The following PCYT1A variants were observed in gnomAD, a reference collection of about 807,000 sequenced individuals.
PCYT1A encodes the protein phosphate cytidylyltransferase 1A, choline, also known as choline-phosphate cytidylyltransferase A.
PCYT1A carries 25 observed loss-of-function variants against 43.7 expected under a neutral mutation model. The ratio of observed to expected loss-of-function variants is 0.57; its 90% CI spans 0.42 to 0.80. The LOEUF is 0.80. Ranked by LOEUF, PCYT1A falls within the 30% of genes least tolerant of loss-of-function variation. The pLI, the probability that PCYT1A is intolerant of heterozygous loss-of-function variation, is 0.00. For missense variants in PCYT1A, 421 were observed against 474.2 expected, an observed-to-expected ratio of 0.89 and a Z score of 1.04; for synonymous variants, 172 against 170.7, an observed-to-expected ratio of 1.01 and a Z score of -0.06.
chr3:196,263,198 C>T (rs987446488), intron 2 of PCYT1A, among the ~76,000 whole-genome samples: 10 of 152,140 alleles, frequency 6.6e-5, no homozygotes, highest in Admixed American at 1.3e-4. Flanking sequence ...AGGGTCCTCC[C>T]GAGATCCCAA....
intron 7 of PCYT1A, chr3:196,240,833 C>T (rs1394487356): frequency 6.6e-6 from 1 of 151,936 alleles, no homozygotes; most frequent in Non-Finnish European, 1.5e-5. Flanking sequence ...GTTTATCTGC[C>T]TAGATAAATC....
At chr3:196,246,467 C>A (rs1334615207) in intron 5 of PCYT1A, among the ~76,000 whole-genome samples, 2 of 151,822 alleles carry the variant, frequency 1.3e-5, no homozygotes, top group Non-Finnish European at 2.9e-5. Flanking sequence ...AGCTCCTGGG[C>A]TCAAGCGATC....
At position 196,247,450 on chromosome 3, in the gene PCYT1A, C is replaced by T. The variant is rs1724605639; in HGVS notation, c.403G>A (p.Ala135Thr). Residue 135 changes from alanine to threonine, a missense_variant, in exon 5 of 9, where the codon GCA becomes ACA. Coordinates refer to ENST00000431016, the MANE Select transcript of PCYT1A (RefSeq NM_001312673.2). The surrounding 1 kb of genome is among the most constrained non-coding windows in gnomAD (Gnocchi z 4.8). ...TCCACGTAGCGGCAGTGCTGGACTGCGTCATAGCGCTCATTCTCGTTCATC... is the reference window on the plus strand; with the variant it reads ...TCCACGTAGCGGCAGTGCTGGACTGTGTCATAGCGCTCATTCTCGTTCATC... ...TVMNENERYDAVQHCRYVDEV... is the reference protein window; with the variant it reads ...TVMNENERYDTVQHCRYVDEV... The T allele has an allele frequency of 1.2e-6, 2 of 1,614,118 alleles. No individual in the cohort carries two copies. The highest frequency in any genetic ancestry group is 2.2e-5 in the East Asian group (1 of 44,890).
In PCYT1A at chr3:196,273,067, A is replaced by G. The variant is rs1406074436; in HGVS notation, c.-10-2526T>C. Among the ~76,000 whole-genome samples, 2 of 152,224 alleles carry G rather than the reference A, an allele frequency of 1.3e-5. No homozygotes were observed. The highest frequency in any genetic ancestry group is 4.8e-5 in the African/African-American group (2 of 41,464). On this transcript the variant is annotated intron_variant, in intron 1 of 8. Coordinates refer to ENST00000431016, the MANE Select transcript of PCYT1A (RefSeq NM_001312673.2). The surrounding 1 kb of genome is among the most constrained non-coding windows in gnomAD (Gnocchi z 4.1). Reference sequence around the variant, plus strand: ...GCCACTGCGCACAGCCAGGCACGCCAGCTGCCAGGGGGTGAGCAGCTCGAG... The same window carrying G: ...GCCACTGCGCACAGCCAGGCACGCCGGCTGCCAGGGGGTGAGCAGCTCGAG...
intron 2 of PCYT1A, among the ~76,000 whole-genome samples, chr3:196,260,685 T>C (rs1725083233): frequency 1.3e-5 from 2 of 151,948 alleles, no homozygotes; most frequent in Non-Finnish European, 2.9e-5. Context: ...CTACTAAAAA[T>C]ACAAAACTTA....
chr3:196,248,218 A>G lies in PCYT1A; in HGVS notation c.323T>C (p.Leu108Pro). 1.3e-6 allele frequency: 2 copies of G among 1,585,880 alleles called. No individual in the cohort carries two copies. The highest frequency in any genetic ancestry group is 1.7e-6 in the Non-Finnish European group (2 of 1,154,148). Residue 108 changes from leucine (L) to proline (P), a missense_variant, in exon 4 of 9, where the codon CTC becomes CCC. Around this residue, in one of 3 missense-constraint regions of PCYT1A, gnomAD observed 174 missense variants for 270.7 expected, o/e 0.64. Coordinates refer to ENST00000431016, the MANE Select transcript of PCYT1A (RefSeq NM_001312673.2). ...AAATGTTTTCTTACCTCCCACAATG[A>G]GGTACGTATTAGGGAAAAGGTTCTT... ...QAKNLFPNTY[L>P]IVGVCSDELT... is the part of the protein sequence containing the mutation.
intron 1 of PCYT1A, among the ~76,000 whole-genome samples, chr3:196,286,181 G>A (rs374845512): frequency 1.4e-3 from 204 of 149,506 alleles, no homozygotes; most frequent in African/African-American, 4.8e-3. Context: ...TCCCACCTCA[G>A]CCTCCCCAGT....
rs1560176114 is a variant in PCYT1A at position 196,273,299 on chromosome 3, TCTC to T, written c.-10-2761_-10-2759del. Reference sequence around the variant, plus strand: ...GCTCTTCTCTTTCTCTCTCCTCTCTTCTCTCTTTCTGTTGCCCACAGCGTGGCA... The same window carrying T: ...GCTCTTCTCTTTCTCTCTCCTCTCTTTCTTTCTGTTGCCCACAGCGTGGCA... On this transcript the variant is annotated intron_variant, in intron 1 of 8. Transcript: ENST00000431016. This position sits in a 1 kb window ranked among gnomAD's most constrained non-coding sequence, Gnocchi z 4.1. Among the ~76,000 whole-genome samples, 1 of 152,138 alleles carries T rather than the reference TCTC, an allele frequency of 6.6e-6. No homozygotes were observed. Among genetic ancestry groups the T allele is most frequent in the African/African-American group, 2.4e-5 (1 of 41,438 alleles).
chr3:196,259,749 G>A (rs773659713), intron 2 of PCYT1A, among the ~76,000 whole-genome samples: 3 of 151,392 alleles, frequency 2.0e-5, no homozygotes, highest in Non-Finnish European at 2.9e-5. Flanking sequence ...GGAAGCTGAG[G>A]TGGGAGGACT....
Position 196,247,530 on chromosome 3 carries a change from C to T in PCYT1A, c.335-12G>A. 2 of 1,613,834 alleles carry T rather than the reference C, an allele frequency of 1.2e-6. No homozygotes were observed. Among genetic ancestry groups the T allele is most frequent in the Non-Finnish European group, 1.7e-6 (2 of 1,179,714 alleles). On this transcript the variant is annotated splice_polypyrimidine_tract_variant and intron_variant, in intron 4 of 8. Transcript: ENST00000431016. The surrounding 1 kb of genome is among the most constrained non-coding windows in gnomAD (Gnocchi z 4.8). ...CTCATCACTGCAAACTGGTTCACCA[C>T]ATCATAAATTGTGTGTTGGAGTCCT...
At chr3:196,270,781 G>A (rs1188600938) in intron 1 of PCYT1A, among the ~76,000 whole-genome samples, 1 of 152,132 alleles carries the variant, frequency 6.6e-6, no homozygotes, top group Non-Finnish European at 1.5e-5. Flanking sequence ...GCCTGAAGTC[G>A]GAAGTCATTC....
chr3:196,262,468 G>T (rs901955641), intron 2 of PCYT1A, among the ~76,000 whole-genome samples: 1 of 152,176 alleles, frequency 6.6e-6, no homozygotes, highest in Admixed American at 6.5e-5. Flanking sequence ...ACAGATTTCA[G>T]CATGCTAACA....
intron 1 of PCYT1A, among the ~76,000 whole-genome samples, chr3:196,276,210 G>C (rs1414091905): frequency 6.6e-6 from 1 of 152,034 alleles, no homozygotes; most frequent in East Asian, 1.9e-4. Flanking sequence ...TATAAGGCAA[G>C]GAATTTGTTA....
At chr3:196,262,697 C>T (rs1725149674) in intron 2 of PCYT1A, among the ~76,000 whole-genome samples, 1 of 151,950 alleles carries the variant, frequency 6.6e-6, no homozygotes, top group African/African-American at 2.4e-5. Flanking sequence ...TTCTGGCATC[C>T]ACACTAACAG....
In PCYT1A at chr3:196,268,601, A is replaced by G. The variant is rs1725343371; in HGVS notation, c.117+1814T>C. On this transcript the variant is annotated intron_variant, in intron 2 of 8. Transcript: ENST00000431016. The surrounding 1 kb of genome is among the most constrained non-coding windows in gnomAD (Gnocchi z 4.4). Reference sequence around the variant, plus strand: ...GGAGTTCAAGACCAGCCTGGGCAACATAGCAAGACCCTTACTCTAAAAATA... The same window carrying G: ...GGAGTTCAAGACCAGCCTGGGCAACGTAGCAAGACCCTTACTCTAAAAATA... Among the ~76,000 whole-genome samples the G allele has an allele frequency of 2.0e-5, 3 of 152,114 alleles. No homozygotes were observed. In the South Asian group the frequency reaches 6.2e-4, roughly 31 times the overall value.
chr3:196,244,340 C>G (rs1214390533), intron 5 of PCYT1A, among the ~76,000 whole-genome samples: 4 of 150,282 alleles, frequency 2.7e-5, no homozygotes, highest in African/African-American at 9.8e-5. Flanking sequence ...CTCCCCGCCG[C>G]CATCCCGTCT....
At chr3:196,271,361 TCACCAGAGTTACTTG>T (rs1394679814) in intron 1 of PCYT1A, among the ~76,000 whole-genome samples, 3 of 152,346 alleles carry the variant, frequency 2.0e-5, no homozygotes, top group African/African-American at 7.2e-5. Context: ...AGTGACCACT[TCACCAGAGTTACTTG>T]CATGAAAATT....
chr3:196,241,158 A>AAAAAAAAAAC (rs1560161073), intron 7 of PCYT1A, among the ~76,000 whole-genome samples: 1 of 119,132 alleles, frequency 8.4e-6, no homozygotes, highest in African/African-American at 3.1e-5. Flanking sequence ...AAAAAAAAAA[A>AAAAAAAAAAC]AAAAATTAGC....
chr3:196,247,800 G>C lies in PCYT1A; in HGVS notation c.335-282C>G, dbSNP rs1724617350. The C allele has an allele frequency of 3.4e-6, 2 of 585,348 alleles. No individual in the cohort carries two copies. Among genetic ancestry groups the C allele is most frequent in the Non-Finnish European group, 6.3e-6 (2 of 319,586 alleles). 36.3% of individuals were successfully genotyped at this position (585,348 alleles called of 1,614,324 possible). A position where few individuals can be genotyped will look rare whatever the true frequency, so the allele number is the denominator to read the frequency against. On this transcript the variant is annotated intron_variant, in intron 4 of 8. Transcript: ENST00000431016. This position sits in a 1 kb window ranked among gnomAD's most constrained non-coding sequence, Gnocchi z 4.8. ...ACTCTGAAATAAACCTGCTGTGCGT[G>C]TCTGCATCAATTAAGTCCTTAAACA... is the stretch of plus-strand genomic sequence containing the variant.
Sources: gnomAD v4.1 joint callset for allele counts (sites outside exome capture counted in the v4.1 genomes callset) on GRCh38, gnomAD v4.1.1 for gene constraint, gnomAD v4.1.1 regional missense constraint, Gnocchi (gnomAD v3.1) non-coding constraint, MANE v1.5 for transcripts, NCBI Gene and HGNC (gene_info 2026-07-23, HGNC 2026-07-21) for gene names.